TMPRSS11F: variants seen among roughly 807,000 people sequenced by gnomAD.
TMPRSS11F encodes transmembrane protease serine 11F.
Under a neutral mutation model 60.2 loss-of-function variants are expected in TMPRSS11F, and 47 were observed. That is an observed-to-expected ratio of 0.78 (90% CI 0.62 to 1.00). TMPRSS11F has a LOEUF of 1.00. TMPRSS11F is among the 50% of genes least tolerant of loss of function. The pLI, the probability that TMPRSS11F is intolerant of heterozygous loss-of-function variation, is 0.00. For synonymous variants in TMPRSS11F, 166 were observed against 167.3 expected, an observed-to-expected ratio of 0.99 and a Z score of 0.06; for missense variants, 519 against 522.9, an observed-to-expected ratio of 0.99 and a Z score of 0.07.
At chr4:68,126,718 G>C (rs549321164) in intron 1 of TMPRSS11F, among the ~76,000 whole-genome samples, 5 of 152,238 alleles carry the variant, frequency 3.3e-5, no homozygotes, top group Non-Finnish European at 7.4e-5. Context: ...TCTCTGAGCA[G>C]AGAAATATAA....
intron 3 of TMPRSS11F, among the ~76,000 whole-genome samples, chr4:68,076,965 TG>T (rs1442847998): frequency 6.6e-6 from 1 of 152,170 alleles, no homozygotes; most frequent in Non-Finnish European, 1.5e-5. Context: ...AACAGTAAAG[TG>T]GGAACACCAA....
chr4:68,097,253 A>C (rs1338123757), intron 2 of TMPRSS11F, among the ~76,000 whole-genome samples: 1 of 152,238 alleles, frequency 6.6e-6, no homozygotes, highest in Non-Finnish European at 1.5e-5. Context: ...ACAGTTCTGG[A>C]GGTCATATAT....
In TMPRSS11F at chr4:68,064,915, G is replaced by A. The variant is rs1723293004; in HGVS notation, c.785C>T (p.Thr262Ile). 2 of 1,613,842 alleles carry A rather than the reference G, an allele frequency of 1.2e-6. No homozygotes were observed. The highest frequency in any genetic ancestry group is 1.7e-6 in the Non-Finnish European group (2 of 1,179,944). Residue 262 changes from threonine to isoleucine, a missense_variant, in exon 8 of 10, where the codon ACT becomes ATT. By Grantham distance (89) the Thr-to-Ile change is moderately conservative. Transcript: ENST00000356291. ...GGGTGGTGTTATAGTTGCACCAAAA[G>A]TAGCAATCCATTGAGTTGGGTCTTT... is the stretch of plus-strand genomic sequence containing the variant. The part of the protein sequence containing the change: ...KNKDPTQWIA[T>I]FGATITPPAV...
chr4:68,093,092 A>G (rs1723978910), intron 2 of TMPRSS11F, among the ~76,000 whole-genome samples: 1 of 152,204 alleles, frequency 6.6e-6, no homozygotes, highest in South Asian at 2.1e-4. Context: ...GAAATTCAAC[A>G]TTAAATAAGG....
intron 3 of TMPRSS11F, among the ~76,000 whole-genome samples, chr4:68,084,485 A>G (rs1723768588): frequency 6.6e-6 from 1 of 152,234 alleles, no homozygotes; most frequent in East Asian, 1.9e-4. Flanking sequence ...CTTATAAGCC[A>G]GAAGAGGCTG....
In TMPRSS11F at chr4:68,082,162, C is replaced by T. The variant is rs566038012; in HGVS notation, c.283-8153G>A. Among the ~76,000 whole-genome samples the T allele has an allele frequency of 1.1e-4, 17 of 152,252 alleles. No homozygotes were observed. The South Asian group carries it at 1.5e-3, about 13-fold the overall frequency. On this transcript the variant is annotated intron_variant, in intron 3 of 9. Transcript: ENST00000356291. ...CTTGCTGGATGTTAGGACTAGCTCCCGGCCCTGAATAGCAACTAGGGAAGG... is the reference window on the plus strand; with the variant it reads ...CTTGCTGGATGTTAGGACTAGCTCCTGGCCCTGAATAGCAACTAGGGAAGG...
chr4:68,103,637 CA>C (rs1429132184), intron 1 of TMPRSS11F, among the ~76,000 whole-genome samples: 1 of 152,036 alleles, frequency 6.6e-6, no homozygotes, highest in Non-Finnish European at 1.5e-5. Context: ...TTTGGCTACT[CA>C]AGGTCTTTTA....
intron 3 of TMPRSS11F, chr4:68,081,094 C>T (rs116381556): frequency 6.6e-6 from 1 of 152,170 alleles, no homozygotes; most frequent in African/African-American, 2.4e-5. Context: ...AAACATAGTC[C>T]CTCAAGCTAG....
At chr4:68,105,049 GTTTTTTTTTT>G (rs34041075) in intron 1 of TMPRSS11F, among the ~76,000 whole-genome samples, 1 of 55,168 alleles carries the variant, frequency 1.8e-5, no homozygotes, top group African/African-American at 7.7e-5. Context: ...TTCCCTCTAG[GTTTTTTTTTT>G]TTTTTTTTTT....
Position 68,123,112 on chromosome 4 carries a change from T to C in TMPRSS11F, c.11+6698A>G, listed in dbSNP as rs535556087. ...TCCATTATCTTCTGTTGCCACAGTT[T>C]CGTTATAAGTAATGTTTCACATTCT... On this transcript the variant is annotated intron_variant, in intron 1 of 9. Coordinates refer to ENST00000356291, the MANE Select transcript of TMPRSS11F (RefSeq NM_207407.2). Among the ~76,000 whole-genome samples, 206 of 152,346 alleles carry C rather than the reference T, an allele frequency of 1.4e-3. 1 individual carries two copies. Among genetic ancestry groups the C allele is most frequent in the African/African-American group, 4.7e-3 (196 of 41,590 alleles).
chr4:68,103,879 T>A (rs780121919), intron 1 of TMPRSS11F, among the ~76,000 whole-genome samples: 16 of 152,220 alleles, frequency 1.1e-4, no homozygotes, highest in Non-Finnish European at 2.2e-4. Flanking sequence ...TGGTTAAATT[T>A]ATCCTAGGTA....
Position 68,064,689 on chromosome 4 carries a change from A to G in TMPRSS11F, c.1011T>C (p.Asp337=). The G allele has an allele frequency of 1.2e-6, 2 of 1,613,696 alleles. No homozygotes were observed. The highest frequency in any genetic ancestry group is 8.5e-7 in the Non-Finnish European group (1 of 1,179,828). ...VFVTGFGSIV[D]DGPIQNTLRQ... is the part of the protein sequence containing the mutation. ...AATTAGGTTGAAACTGCTCACCATCATCTACAATGGATCCAAATCCTGTGA... is the reference window on the plus strand; with the variant it reads ...AATTAGGTTGAAACTGCTCACCATCGTCTACAATGGATCCAAATCCTGTGA... Residue 337 remains aspartate (D), a synonymous_variant, in exon 8 of 10, where the codon GAT becomes GAC. Transcript: ENST00000356291.
chr4:68,055,456 T>C (rs1157152213), intron 9 of TMPRSS11F, among the ~76,000 whole-genome samples: 1 of 152,116 alleles, frequency 6.6e-6, no homozygotes, highest in Non-Finnish European at 1.5e-5. Context: ...GGAGAAATGG[T>C]GATGCAGAAA....
chr4:68,109,135 T>G (rs1274903621), intron 1 of TMPRSS11F, among the ~76,000 whole-genome samples: 1 of 152,172 alleles, frequency 6.6e-6, no homozygotes, highest in African/African-American at 2.4e-5. Flanking sequence ...ACATTCAAAA[T>G]GGATAAAATC....
intron 3 of TMPRSS11F, among the ~76,000 whole-genome samples, chr4:68,079,231 C>A (rs1411018895): frequency 1.3e-5 from 2 of 151,660 alleles, no homozygotes; most frequent in Non-Finnish European, 2.9e-5. Context: ...GAAACTGAGA[C>A]TCAGGATATA....
chr4:68,064,509 C>G (rs758104635), intron 8 of TMPRSS11F, among the ~76,000 whole-genome samples, 176 bp downstream of exon 8: 1 of 152,090 alleles, frequency 6.6e-6, no homozygotes, highest in African/African-American at 2.4e-5. Flanking sequence ...ATTGTAAACT[C>G]AAATACAGGA....
rs199559743 is a variant in TMPRSS11F, at chr4:68,073,975, C to A, written c.317G>T (p.Gly106Val). The A allele has an allele frequency of 7.7e-5, 122 of 1,585,774 alleles. No individual in the cohort carries two copies. The East Asian group carries it at 1.9e-3, about 24-fold the overall frequency. The change falls in exon 4 of 10, where the codon GGT (glycine) becomes GTT (valine). Residue 106 changes from glycine to valine, a missense_variant. By Grantham distance (109) the Gly-to-Val change is moderately radical. Transcript: ENST00000356291. ...GATAACATGAGATTTGATAAATCGACCGCCTACAGAAGAATGTCGAAATAT... is the reference window on the plus strand; with the variant it reads ...GATAACATGAGATTTGATAAATCGAACGCCTACAGAAGAATGTCGAAATAT... ...SRIFRHSSVGGRFIKSHVIKL... is the reference protein window; with the variant it reads ...SRIFRHSSVGVRFIKSHVIKL...
chr4:68,085,049 A>G (rs2109858866), intron 3 of TMPRSS11F, among the ~76,000 whole-genome samples: 2 of 127,874 alleles, frequency 1.6e-5, no homozygotes, highest in Middle Eastern at 7.5e-3. Context: ...CCATGTCCCT[A>G]CAAAGGACAT....
At chr4:68,123,919 T>G (rs1024432544) in intron 1 of TMPRSS11F, among the ~76,000 whole-genome samples, 2 of 152,148 alleles carry the variant, frequency 1.3e-5, no homozygotes, top group Non-Finnish European at 2.9e-5. Flanking sequence ...ATTTAATCTA[T>G]TTTTAAAAAC....
Sources: gnomAD v4.1 joint callset for allele counts (sites outside exome capture counted in the v4.1 genomes callset) on GRCh38, gnomAD v4.1.1 for gene constraint, MANE v1.5 for transcripts, NCBI Gene and HGNC (gene_info 2026-07-23, HGNC 2026-07-21) for gene names.